The following SCMH1 variants were observed in gnomAD, a reference collection of about 807,000 sequenced individuals.
SCMH1 encodes the protein polycomb protein SCMH1.
Under a neutral mutation model 70.8 loss-of-function variants are expected in SCMH1, and 37 were observed. That is an observed-to-expected ratio of 0.52 (90% confidence interval 0.40 to 0.69). SCMH1 has a LOEUF of 0.69. Ranked by LOEUF, SCMH1 falls within the 30% of genes least tolerant of loss-of-function variation. SCMH1 has a pLI of 0.00. For synonymous variants in SCMH1, 292 were observed against 307.4 expected, an observed-to-expected ratio of 0.95 and a Z score of 0.52; for missense variants, 607 against 827.3, an observed-to-expected ratio of 0.73 and a Z score of 3.27.
At chr1:41,235,359 T>C (rs1018913890) in intron 1 of SCMH1, among the ~76,000 whole-genome samples, 1 of 151,566 alleles carries the variant, frequency 6.6e-6, no homozygotes, top group Non-Finnish European at 1.5e-5. Flanking sequence ...GATCACATAG[T>C]CAGGAGTTTG....
intron 8 of SCMH1, among the ~76,000 whole-genome samples, chr1:41,100,567 CT>C (rs72221588): frequency 1.4e-3 from 168 of 122,464 alleles, no homozygotes; most frequent in Admixed American, 3.9e-3. Context: ...TTTTCTTTTT[CT>C]TTTTTTTTTT....
At chr1:41,175,622 A>T (rs528863172) in intron 2 of SCMH1, among the ~76,000 whole-genome samples, 1 of 152,308 alleles carries the variant, frequency 6.6e-6, no homozygotes, top group African/African-American at 2.4e-5. Flanking sequence ...TCTCTCCTGA[A>T]GGACCTCCAA....
intron 8 of SCMH1, among the ~76,000 whole-genome samples, chr1:41,087,615 C>T (rs1284780908): frequency 6.6e-6 from 1 of 151,726 alleles, no homozygotes; most frequent in Non-Finnish European, 1.5e-5. Flanking sequence ...ATTGAGAAAC[C>T]AGTTCTCACC....
chr1:41,108,433 A>G (rs1668528748), intron 8 of SCMH1, among the ~76,000 whole-genome samples: 1 of 152,388 alleles, frequency 6.6e-6, no homozygotes, highest in South Asian at 2.1e-4. Context: ...GATTAGCATC[A>G]TAGTCATGCC....
chr1:41,127,008 C>T (rs1673350006), intron 6 of SCMH1, among the ~76,000 whole-genome samples: 1 of 152,066 alleles, frequency 6.6e-6, no homozygotes, highest in Admixed American at 6.6e-5. Flanking sequence ...AATGAGAACG[C>T]TTATTTCCCC....
chr1:41,179,527 G>A (rs1648060490), intron 2 of SCMH1, among the ~76,000 whole-genome samples: 1 of 152,072 alleles, frequency 6.6e-6, no homozygotes, highest in Non-Finnish European at 1.5e-5. Flanking sequence ...AATGATAAAG[G>A]GGATATCACC....
At chr1:41,173,789 G>A (rs564157521) in intron 2 of SCMH1, among the ~76,000 whole-genome samples, 2 of 152,212 alleles carry the variant, frequency 1.3e-5, no homozygotes, top group African/African-American at 4.8e-5. Context: ...GCTATAAAAA[G>A]AATGAAATTT....
intron 1 of SCMH1, among the ~76,000 whole-genome samples, chr1:41,228,277 A>G (rs1660646608): frequency 6.6e-6 from 1 of 152,160 alleles, no homozygotes; most frequent in African/African-American, 2.4e-5. Flanking sequence ...GGGATGTATA[A>G]TTATTGTTTA....
chr1:41,087,681 C>T (rs903576192), intron 8 of SCMH1, among the ~76,000 whole-genome samples: 51 of 152,022 alleles, frequency 3.4e-4, no homozygotes, highest in Non-Finnish European at 6.2e-4. Flanking sequence ...GGTGAGGCTA[C>T]GGGAAAACAA....
intron 12 of SCMH1, among the ~76,000 whole-genome samples, chr1:41,042,314 T>A (rs945511400): frequency 6.6e-6 from 1 of 151,816 alleles, no homozygotes; most frequent in Non-Finnish European, 1.5e-5. Flanking sequence ...AATGGTGCGA[T>A]CTCAGCTCAC....
At chr1:41,084,177 G>A (rs1026620174) in intron 8 of SCMH1, among the ~76,000 whole-genome samples, 1 of 152,178 alleles carries the variant, frequency 6.6e-6, no homozygotes, top group African/African-American at 2.4e-5. Flanking sequence ...ACTACCATCA[G>A]AGTGAACAGG....
chr1:41,066,066 A>T (rs372551571), intron 10 of SCMH1, among the ~76,000 whole-genome samples: 1 of 152,292 alleles, frequency 6.6e-6, no homozygotes, highest in Non-Finnish European at 1.5e-5. Context: ...TAGTCCAAGC[A>T]GTAACAGCTC....
intron 13 of SCMH1, among the ~76,000 whole-genome samples, chr1:41,036,491 G>A (rs1279430008): frequency 6.6e-6 from 1 of 152,132 alleles, no homozygotes; most frequent in Non-Finnish European, 1.5e-5. Flanking sequence ...CAAACCTTCT[G>A]TCTCTGCCCT....
chr1:41,045,915 G>T (rs547298913), intron 12 of SCMH1: 1 of 152,990 alleles, frequency 6.5e-6, no homozygotes, highest in Non-Finnish European at 1.5e-5. Context: ...AGAAATAGCA[G>T]GAACTTGAAT....
intron 10 of SCMH1, among the ~76,000 whole-genome samples, chr1:41,070,221 TAAA>T (rs201661314): frequency 6.8e-6 from 1 of 146,958 alleles, no homozygotes; most frequent in South Asian, 2.1e-4. Flanking sequence ...CAATGATTGT[TAAA>T]AAAAAAAAAT....
intron 2 of SCMH1, 31 bp downstream of exon 2, chr1:41,186,090 T>A: frequency 6.5e-7 from 1 of 1,546,522 alleles, no homozygotes; most frequent in Non-Finnish European, 8.7e-7. Context: ...TAATCCCTCT[T>A]ACCTCCACGA....
intron 5 of SCMH1, among the ~76,000 whole-genome samples, chr1:41,149,343 A>T (rs1289042465): frequency 6.6e-6 from 1 of 152,206 alleles, no homozygotes; most frequent in Non-Finnish European, 1.5e-5. Context: ...CCCACATAGT[A>T]GCCCAGTGAG....
chr1:41,087,529 A>G (rs1055563416), intron 8 of SCMH1, among the ~76,000 whole-genome samples: 3 of 152,044 alleles, frequency 2.0e-5, no homozygotes, highest in African/African-American at 2.4e-5. Context: ...GAAAAAAAAA[A>G]GATAAAATGG....
intron 1 of SCMH1, among the ~76,000 whole-genome samples, chr1:41,188,349 C>G (rs117134052): frequency 6.6e-6 from 1 of 152,056 alleles, no homozygotes; most frequent in Non-Finnish European, 1.5e-5. Flanking sequence ...AGGCTGGTCT[C>G]GAACTCCTGA....
Sources: allele counts gnomAD v4.1 joint callset (sites outside exome capture counted in the v4.1 genomes callset), GRCh38; gene constraint gnomAD v4.1.1; transcripts MANE v1.5; gene names NCBI Gene and HGNC (gene_info 2026-07-23, HGNC 2026-07-21).